Variants in SGCD observed in about 807,000 individuals in gnomAD.
SGCD encodes the protein delta-sarcoglycan.
A neutral mutation model predicts 36.6 loss-of-function variants in SGCD; 18 were observed. That is an observed-to-expected ratio of 0.49 (90% CI 0.34 to 0.73). SGCD has a LOEUF of 0.73. SGCD is among the 30% of genes least tolerant of loss of function. The probability of loss-of-function intolerance (pLI) is 0.01; values close to 1 mark genes in which losing one functional copy is unlikely to be tolerated. For synonymous variants in SGCD, 133 were observed against 130.6 expected (o/e 1.02, Z -0.12); for missense variants, 387 against 346.7 (o/e 1.12, Z -0.92).
chr5:156,367,558 A>G (rs1770168117), intron 3 of SGCD, among the ~76,000 whole-genome samples: 4 of 152,242 alleles, frequency 2.6e-5, no homozygotes, highest in Admixed American at 6.5e-5. Context: ...AGAATCAGTC[A>G]TGTAGTTTTG....
intron 1 of SGCD, among the ~76,000 whole-genome samples, chr5:155,951,266 C>T (rs1012209198): frequency 1.3e-5 from 2 of 152,218 alleles, no homozygotes; most frequent in Admixed American, 1.3e-4. Flanking sequence ...TGATAGCCCA[C>T]AGCTGGAAAT....
intron 1 of SGCD, among the ~76,000 whole-genome samples, chr5:156,078,575 ATATT>A (rs1469546898): frequency 3.2e-5 from 3 of 93,402 alleles, no homozygotes; most frequent in East Asian, 3.4e-4. Flanking sequence ...ATATATATTT[ATATT>A]TATATATATT....
At chr5:156,609,895 T>A (rs2113454983) in intron 6 of SGCD, among the ~76,000 whole-genome samples, 1 of 152,342 alleles carries the variant, frequency 6.6e-6, no homozygotes, top group Admixed American at 6.5e-5. Flanking sequence ...TTCAGCTCCA[T>A]CAGGTCCTTT....
chr5:156,460,053 G>A (rs1372598105), intron 3 of SGCD, among the ~76,000 whole-genome samples: 1 of 152,140 alleles, frequency 6.6e-6, no homozygotes, highest in Non-Finnish European at 1.5e-5. Context: ...TTTGGCTGAG[G>A]TCTTTCCTTT....
At chr5:155,977,954 C>T (rs1399151261) in intron 1 of SGCD, among the ~76,000 whole-genome samples, 5 of 152,012 alleles carry the variant, frequency 3.3e-5, no homozygotes, top group African/African-American at 7.3e-5. Flanking sequence ...ACTAGCTGGA[C>T]GTGGTGGTGC....
At chr5:156,613,941 G>C (rs527579204) in intron 6 of SGCD, among the ~76,000 whole-genome samples, 2 of 151,886 alleles carry the variant, frequency 1.3e-5, no homozygotes, top group Admixed American at 6.6e-5. Context: ...GAGGGTACAG[G>C]CTGGCTGGCT....
intron 3 of SGCD, among the ~76,000 whole-genome samples, chr5:156,488,549 A>G (rs1204448298): frequency 1.3e-5 from 2 of 152,126 alleles, no homozygotes; most frequent in Admixed American, 6.5e-5. Context: ...AGAATACTCT[A>G]CCTAGAAAAT....
rs1472624095 is a variant in SGCD, at chr5:155,996,906, T to TAGATAGAC, written c.-281-120969_-281-120968insTAGACAGA. On this transcript the variant is annotated intron_variant, in intron 1 of 9. Coordinates refer to the SGCD transcript ENST00000517913. ...ATAGATAGATAGATAGATAGATAGA[T>TAGATAGAC]AGACAGACAGACAGGCAGGCAGACA... 2.4e-3 allele frequency among the ~76,000 whole-genome samples: 343 copies of TAGATAGAC among 142,010 alleles called. 3 individuals are homozygous for TAGATAGAC. Among genetic ancestry groups the TAGATAGAC allele is most frequent in the African/African-American group, 7.3e-3 (290 of 39,544 alleles). 93.2% of individuals were successfully genotyped at this position (142,010 alleles called of 152,430 possible). A position where few individuals can be genotyped will look rare whatever the true frequency, so the allele number is the denominator to read the frequency against.
the SGCD span, among the ~76,000 whole-genome samples, chr5:155,771,289 C>T: frequency 6.6e-6 from 1 of 152,070 alleles, no homozygotes; most frequent in African/African-American, 2.4e-5. Flanking sequence ...TGTTCTGTCA[C>T]CTAGGCTGGA....
chr5:155,742,645 C>CT, the SGCD span, among the ~76,000 whole-genome samples: 1 of 152,132 alleles, frequency 6.6e-6, no homozygotes, highest in Non-Finnish European at 1.5e-5. Flanking sequence ...TTTGTGGTTC[C>CT]CCCCACCCAC....
chr5:155,919,225 A>T (rs111289542), intron 1 of SGCD, among the ~76,000 whole-genome samples: 297 of 152,372 alleles, frequency 1.9e-3, no homozygotes, highest in Admixed American at 2.4e-3. Flanking sequence ...ATAGACAAAG[A>T]TATGCAAGTT....
At chr5:156,295,884 A>T (rs971335211) in intron 3 of SGCD, among the ~76,000 whole-genome samples, 8 of 152,212 alleles carry the variant, frequency 5.3e-5, no homozygotes, top group Admixed American at 6.5e-5. Context: ...GAAGCAACTC[A>T]ACAAATCACA....
chr5:156,188,212 G>C (rs1167717460), intron 3 of SGCD, among the ~76,000 whole-genome samples: 1 of 152,156 alleles, frequency 6.6e-6, no homozygotes, highest in African/African-American at 2.4e-5. Context: ...CCAGCTGTGT[G>C]CCTGGCGTTA....
At chr5:155,894,733 G>A (rs1214317725) in intron 1 of SGCD, among the ~76,000 whole-genome samples, 1 of 152,134 alleles carries the variant, frequency 6.6e-6, no homozygotes, top group African/African-American at 2.4e-5. Context: ...AACGCCTGAT[G>A]ATTCTTCACT....
rs115864936 is a variant in SGCD at position 156,153,424 on chromosome 5, G to A, written c.-44+29405G>A. ...CCATGAAGGGAAGTAGTTAGAAATC[G>A]GATCTTCAAGAAAATAAGTAAACAT... On this transcript the variant is annotated intron_variant, in intron 3 of 9. Transcript: ENST00000517913. Among the ~76,000 whole-genome samples the A allele has an allele frequency of 2.8e-3, 420 of 151,514 alleles. 16 individuals carry two copies. The highest frequency in any genetic ancestry group is 8.1e-3 in the African/African-American group (332 of 40,926).
rs17053142 is a variant in SGCD, at chr5:156,021,798, A to G, written c.-281-96080A>G. On this transcript the variant is annotated intron_variant, in intron 1 of 9. Transcript: ENST00000517913. The stretch of plus-strand genomic sequence containing the variant: ...GAAGGAGCATGAGGGTGAGAAGCAG[A>G]AAGCATGAGAAGAGTGATTCGAGGA... Among the ~76,000 whole-genome samples the G allele has an allele frequency of 9.5e-3, 1,448 of 152,278 alleles. 26 individuals carry two copies. The highest frequency in any genetic ancestry group is 0.033 in the African/African-American group (1,376 of 41,572).
intron 1 of SGCD, among the ~76,000 whole-genome samples, chr5:156,116,886 A>G (rs952667051): frequency 1.3e-5 from 2 of 152,128 alleles, no homozygotes; most frequent in African/African-American, 4.8e-5. Context: ...AATAATGATG[A>G]TAGTCAATTG....
chr5:155,753,329 T>C, the SGCD span, among the ~76,000 whole-genome samples: 3,884 of 119,054 alleles, frequency 0.033, 262 homozygotes, highest in African/African-American at 0.12. Flanking sequence ...GAGCGAGACT[T>C]TGTCTAAAAA....
intron 1 of SGCD, among the ~76,000 whole-genome samples, chr5:155,908,877 T>G (rs1050607202): frequency 2.0e-5 from 3 of 152,128 alleles, no homozygotes; most frequent in Non-Finnish European, 2.9e-5. Flanking sequence ...AAGCGCAATC[T>G]ACCTTGCACC....
Sources: gnomAD v4.1 joint callset for allele counts (sites outside exome capture counted in the v4.1 genomes callset) on GRCh38, gnomAD v4.1.1 for gene constraint, MANE v1.5 for transcripts, NCBI Gene and HGNC (gene_info 2026-07-23, HGNC 2026-07-21) for gene names.